ARHGEF28: variants seen among roughly 807,000 people sequenced by gnomAD.
ARHGEF28 encodes Rho guanine nucleotide exchange factor 28.
Under a neutral mutation model 206.6 loss-of-function variants are expected in ARHGEF28, and 152 were observed. That is an observed-to-expected ratio of 0.74 (90% CI 0.64 to 0.84). The LOEUF is 0.84. ARHGEF28 is among the 40% of genes least tolerant of loss of function. The pLI is 0.00. For synonymous variants in ARHGEF28, 763 were observed against 776.4 expected, an observed-to-expected ratio of 0.98 and a Z score of 0.29; for missense variants, 2,028 against 2,073.2, an observed-to-expected ratio of 0.98 and a Z score of 0.42.
chr5:73,729,119 C>T (rs1750454415), intron 2 of ARHGEF28, among the ~76,000 whole-genome samples: 1 of 152,198 alleles, frequency 6.6e-6, no homozygotes, highest in African/African-American at 2.4e-5. Flanking sequence ...GCTGTGAGGA[C>T]TTGGCTGTGA....
chr5:73,726,902 G>T (rs1315676585), intron 2 of ARHGEF28, among the ~76,000 whole-genome samples: 1 of 152,130 alleles, frequency 6.6e-6, no homozygotes, highest in Non-Finnish European at 1.5e-5. Flanking sequence ...AGAAAGCTGG[G>T]TCTGAAAATA....
chr5:73,815,192 A>G (rs1272580355), intron 9 of ARHGEF28, among the ~76,000 whole-genome samples: 4 of 41,800 alleles, frequency 9.6e-5, no homozygotes, highest in South Asian at 7.3e-4. Flanking sequence ...TTCAGGGGGT[A>G]TATATATATA....
Position 73,696,831 on chromosome 5 carries a change from C to T in ARHGEF28, c.33+11947C>T, listed in dbSNP as rs373696825. Among the ~76,000 whole-genome samples, 101 of 152,336 alleles carry T rather than the reference C, an allele frequency of 6.6e-4. 1 individual carries two copies. Among genetic ancestry groups the T allele is most frequent in the African/African-American group, 2.3e-3 (97 of 41,572 alleles). On this transcript the variant is annotated intron_variant, in intron 2 of 35. Transcript: ENST00000513042. ...CATTCAATAAACAGCGGTTGAGGCT[C>T]CTCCTGGAGCACTCTTTAATTTTGT...
intron 4 of ARHGEF28, among the ~76,000 whole-genome samples, chr5:73,762,455 CA>C (rs35028103): frequency 0.13 from 8,795 of 66,762 alleles, 194 homozygotes; most frequent in African/African-American, 0.16. Flanking sequence ...GACTCCCTCT[CA>C]AAAAAAAAAA....
At chr5:73,682,783 C>G (rs962638147) in intron 1 of ARHGEF28, among the ~76,000 whole-genome samples, 1 of 152,136 alleles carries the variant, frequency 6.6e-6, no homozygotes, top group Non-Finnish European at 1.5e-5. Flanking sequence ...TGGCGCATGC[C>G]TGTAAGGCCA....
chr5:73,822,557 G>C (rs760603350), intron 9 of ARHGEF28, among the ~76,000 whole-genome samples: 3 of 152,146 alleles, frequency 2.0e-5, no homozygotes, highest in Non-Finnish European at 2.9e-5. Context: ...CTAATATCAG[G>C]AAAAATCCTA....
rs1208969153 is a variant in ARHGEF28 at position 73,741,442 on chromosome 5, T to G, written c.34-8395T>G. Among the ~76,000 whole-genome samples the G allele has an allele frequency of 2.8e-5, 3 of 109,074 alleles. No homozygotes were observed. In the East Asian group the frequency reaches 9.6e-4, roughly 35 times the overall value. The allele number at this position is 109,074 out of a possible 152,430, so 71.6% of individuals were successfully genotyped here. Reference sequence around the variant, plus strand: ...ATATATATATATATATATATATATATGTATACTCACTCTGTTGCCCAGGCT... The same window carrying G: ...ATATATATATATATATATATATATAGGTATACTCACTCTGTTGCCCAGGCT... On this transcript the variant is annotated intron_variant, in intron 2 of 35. Coordinates refer to ENST00000513042, the MANE Select transcript of ARHGEF28 (RefSeq NM_001177693.2).
At chr5:73,913,846 G>A (rs1384126981) in intron 35 of ARHGEF28, among the ~76,000 whole-genome samples, 2 of 152,116 alleles carry the variant, frequency 1.3e-5, no homozygotes, top group Admixed American at 1.3e-4. Flanking sequence ...TTTCATTCAG[G>A]CTTCAGTCAC....
chr5:73,711,516 GT>G (rs1365561559), intron 2 of ARHGEF28, among the ~76,000 whole-genome samples: 1 of 152,020 alleles, frequency 6.6e-6, no homozygotes, highest in African/African-American at 2.4e-5. Context: ...GGGTTTTATT[GT>G]TTTTAGCATA....
At chr5:73,717,509 G>T (rs577549004) in intron 2 of ARHGEF28, among the ~76,000 whole-genome samples, 2 of 152,238 alleles carry the variant, frequency 1.3e-5, no homozygotes, top group South Asian at 4.1e-4. Flanking sequence ...TGCGAAAACT[G>T]TAATGATTAC....
intron 2 of ARHGEF28, among the ~76,000 whole-genome samples, chr5:73,730,992 T>C (rs1501676): frequency 0.34 from 50,649 of 148,872 alleles, 10,101 homozygotes; most frequent in African/African-American, 0.55. Flanking sequence ...TAATTTTTTC[T>C]TCTTCTCTGC....
In ARHGEF28 at chr5:73,858,155, TG is replaced by T. The variant is rs1323493359; in HGVS notation, c.1987del (p.Val663PhefsTer144). The T allele has an allele frequency of 6.2e-7, 1 of 1,612,274 alleles. No homozygotes were observed. The highest frequency in any genetic ancestry group is 8.5e-7 in the Non-Finnish European group (1 of 1,179,412). On this transcript the variant is annotated frameshift_variant, in exon 16 of 36. Coordinates refer to ENST00000513042, the MANE Select transcript of ARHGEF28 (RefSeq NM_001177693.2). LOFTEE classifies it high-confidence loss of function. Reference sequence around the variant, plus strand: ...ATCAGTTTGCCCCAGGAACATTCTCTGGGGTTCTGCAGTGTTTGGTTTGTGA... The same window carrying T: ...ATCAGTTTGCCCCAGGAACATTCTCTGGGTTCTGCAGTGTTTGGTTTGTGA... ...RHQFAPGTFS[G>X]VLQCLVCDKT...
intron 9 of ARHGEF28, among the ~76,000 whole-genome samples, chr5:73,820,910 G>C (rs905395025): frequency 1.3e-5 from 2 of 152,138 alleles, no homozygotes; most frequent in African/African-American, 4.8e-5. Context: ...TCATGATGGT[G>C]AGGGGTAGCC....
At chr5:73,699,673 A>G (rs1000299721) in intron 2 of ARHGEF28, among the ~76,000 whole-genome samples, 1 of 152,186 alleles carries the variant, frequency 6.6e-6, no homozygotes, top group South Asian at 2.1e-4. Context: ...GAAACAATAC[A>G]TTTAAGCATC....
intron 2 of ARHGEF28, among the ~76,000 whole-genome samples, chr5:73,701,956 A>G (rs551905870): frequency 2.0e-5 from 3 of 152,184 alleles, no homozygotes; most frequent in Non-Finnish European, 4.4e-5. Flanking sequence ...ACAATTGTAT[A>G]TAGGTTTTTG....
intron 1 of ARHGEF28, among the ~76,000 whole-genome samples, chr5:73,672,490 CT>C (rs1357964452): frequency 6.6e-5 from 10 of 152,198 alleles, no homozygotes; most frequent in Non-Finnish European, 1.2e-4. Context: ...AGATTCTGAG[CT>C]CATCAATGAT....
intron 22 of ARHGEF28, among the ~76,000 whole-genome samples, chr5:73,877,468 T>C (rs1299214782): frequency 1.4e-5 from 2 of 142,496 alleles, no homozygotes; most frequent in Non-Finnish European, 3.0e-5. Flanking sequence ...TGCTAGCTTT[T>C]GAATGTGTTT....
Position 73,882,457 on chromosome 5 carries a change from A to T in ARHGEF28, c.2815-15A>T. On this transcript the variant is annotated splice_polypyrimidine_tract_variant and intron_variant, in intron 22 of 35. Coordinates refer to ENST00000513042, the MANE Select transcript of ARHGEF28 (RefSeq NM_001177693.2). ...ACTAAATTTACAAACCATTATTTAAATGTTATTCTTCCAGTTTTCAGAAGA... is the reference window on the plus strand; with the variant it reads ...ACTAAATTTACAAACCATTATTTAATTGTTATTCTTCCAGTTTTCAGAAGA... 1 of 1,401,020 alleles carries T rather than the reference A, an allele frequency of 7.1e-7. No homozygotes were observed. 86.8% of individuals were successfully genotyped at this position (1,401,020 alleles called of 1,614,324 possible).
chr5:73,940,109 A>T (rs530123461), intron 35 of ARHGEF28, among the ~76,000 whole-genome samples: 53 of 152,314 alleles, frequency 3.5e-4, no homozygotes, highest in African/African-American at 1.2e-3. Context: ...AAGTGCAGGG[A>T]AAATGGTTTG....
Sources: gnomAD v4.1 joint callset for allele counts (sites outside exome capture counted in the v4.1 genomes callset) on GRCh38, gnomAD v4.1.1 for gene constraint, MANE v1.5 for transcripts, NCBI Gene and HGNC (gene_info 2026-07-23, HGNC 2026-07-21) for gene names.